Variants in CELF2 observed in about 807,000 individuals in gnomAD.
CELF2 encodes the protein CUG triplet repeat RNA-binding protein 2.
A neutral mutation model predicts 62.6 loss-of-function variants in CELF2; 8 were observed. That is an observed-to-expected ratio of 0.13 (90% CI 0.07 to 0.23). The LOEUF is 0.23. Ranked by LOEUF, CELF2 falls within the 10% of genes least tolerant of loss-of-function variation. CELF2 has a pLI of 1.00. For missense variants in CELF2, 333 were observed against 671.0 expected, an observed-to-expected ratio of 0.50 and a Z score of 5.56; for synonymous variants, 258 against 250.0, an observed-to-expected ratio of 1.03 and a Z score of -0.30.
chr10:11,279,115 A>AT lies in CELF2; in HGVS notation c.841+4002dup, dbSNP rs930366259. 1.5e-4 allele frequency among the ~76,000 whole-genome samples: 23 copies of AT among 151,918 alleles called. 1 individual carries two copies. The highest frequency in any genetic ancestry group is 5.3e-4 in the African/African-American group (22 of 41,410). ...GAGTGAGTTTTTCTTTTTAGGGGGGATTTTTTTCTAGGATAAAGAATTGTT... is the reference window on the plus strand; with the variant it reads ...GAGTGAGTTTTTCTTTTTAGGGGGGATTTTTTTTCTAGGATAAAGAATTGTT... On this transcript the variant is annotated intron_variant, in intron 8 of 12. Coordinates refer to ENST00000633077, the MANE Select transcript of CELF2 (RefSeq NM_001326342.2).
intron 1 of CELF2, among the ~76,000 whole-genome samples, chr10:11,119,864 T>TCCCCCCC (rs57433204): frequency 5.0e-4 from 56 of 112,134 alleles, no homozygotes; most frequent in Middle Eastern, 4.7e-3. Context: ...TGATTCCGCC[T>TCCCCCCC]CCCCCCCCCC....
chr10:11,073,178 C>G (rs568420071), intron 1 of CELF2, among the ~76,000 whole-genome samples: 1 of 152,328 alleles, frequency 6.6e-6, no homozygotes, highest in South Asian at 2.1e-4. Context: ...GAGTGTAACA[C>G]TGGCTAGTGA....
chr10:10,697,077 TA>T, the CELF2 span, among the ~76,000 whole-genome samples: 6 of 151,870 alleles, frequency 4.0e-5, no homozygotes, highest in Non-Finnish European at 8.8e-5. Context: ...ATAACATGAT[TA>T]ACACATGTTA....
chr10:10,489,296 A>G, the CELF2 span, among the ~76,000 whole-genome samples: 1 of 152,132 alleles, frequency 6.6e-6, no homozygotes, highest in Non-Finnish European at 1.5e-5. Flanking sequence ...CGTCACCTTC[A>G]TCCAGAAGGA....
At chr10:11,002,023 A>G (rs1461005780), upstream of CELF2, among the ~76,000 whole-genome samples, 1 of 152,212 alleles carries the variant, frequency 6.6e-6, no homozygotes. This position sits in a 1 kb window ranked among gnomAD's most constrained non-coding sequence, Gnocchi z 4.4. Flanking sequence ...ATCTATCTGT[A>G]TTAGTCCATT....
intron 1 of CELF2, among the ~76,000 whole-genome samples, chr10:10,857,544 A>G (rs1006870713): frequency 1.3e-5 from 2 of 151,178 alleles, no homozygotes; most frequent in Admixed American, 6.6e-5. Context: ...TAAAATGTCA[A>G]ATACTCAGTC....
At chr10:11,113,681 G>T (rs147309442) in intron 1 of CELF2, among the ~76,000 whole-genome samples, 136 of 152,272 alleles carry the variant, frequency 8.9e-4, no homozygotes, top group African/African-American at 3.1e-3. Flanking sequence ...GTGGGGCTAG[G>T]TTCTTGAGAA....
the CELF2 span, among the ~76,000 whole-genome samples, chr10:10,559,367 A>G: frequency 2.6e-5 from 4 of 152,120 alleles, no homozygotes; most frequent in African/African-American, 9.7e-5. Context: ...AAGTTATTAA[A>G]CTCTCTTAAT....
At chr10:10,561,404 T>C in the CELF2 span, among the ~76,000 whole-genome samples, 1 of 152,178 alleles carries the variant, frequency 6.6e-6, no homozygotes, top group South Asian at 2.1e-4. Context: ...CTTCACTTCC[T>C]TCATTCAACA....
In CELF2 at chr10:11,243,359, CAAAAAAA is replaced by C. The variant is rs35245941; in HGVS notation, c.355-5783_355-5777del. On this transcript the variant is annotated intron_variant, in intron 3 of 12. Transcript: ENST00000633077. The surrounding 1 kb of genome is among the most constrained non-coding windows in gnomAD (Gnocchi z 4.1). ...GTGCGGCTTTAGGCAAAATGTTATT[CAAAAAAA>C]AAAAAAAAAAGCTTCTAAAAATTCA... Among the ~76,000 whole-genome samples the C allele has an allele frequency of 6.6e-5, 6 of 91,262 alleles. No homozygotes were observed. The highest frequency in any genetic ancestry group is 2.4e-4 in the Admixed American group (2 of 8,410). The allele number at this position is 91,262 out of a possible 152,430, so 59.9% of individuals were successfully genotyped here.
At chr10:10,849,334 G>C (rs2059228678) in intron 1 of CELF2, among the ~76,000 whole-genome samples, 1 of 152,044 alleles carries the variant, frequency 6.6e-6, no homozygotes, top group Admixed American at 6.5e-5. Context: ...CACGAACCAG[G>C]AGGCAGAGGT....
chr10:10,680,147 ATG>A, the CELF2 span, among the ~76,000 whole-genome samples: 1 of 78,606 alleles, frequency 1.3e-5, no homozygotes, highest in African/African-American at 6.3e-5. Flanking sequence ...GTATGTACGT[ATG>A]TATGTATGTA....
rs1008678573 is a variant in CELF2 at position 11,010,001 on chromosome 10, C to A, written c.53+4561C>A. On this transcript the variant is annotated intron_variant, in intron 1 of 12. Coordinates refer to the CELF2 transcript ENST00000416382. This position sits in a 1 kb window ranked among gnomAD's most constrained non-coding sequence, Gnocchi z 4.1. ...CTGACTAGCCTGGGCACAGTTGTGC[C>A]TTTATGCGGAAATTGATGAGTTGCT... Among the ~76,000 whole-genome samples the A allele has an allele frequency of 6.6e-6, 1 of 152,228 alleles. No individual in the cohort carries two copies. Among genetic ancestry groups the A allele is most frequent in the Non-Finnish European group, 1.5e-5 (1 of 68,042 alleles).
In CELF2 at chr10:10,801,909, G is replaced by A. The variant is rs142971868; in HGVS notation, c.53+3092G>A. On this transcript the variant is annotated intron_variant, in intron 1 of 13. Transcript: ENST00000636488. ...TCTCAAGAACTGTCTATTTGAAATC[G>A]CTCCATCCTTGTTCCATTTTGTTAC... Among the ~76,000 whole-genome samples the A allele has an allele frequency of 6.0e-3, 909 of 152,212 alleles. 9 individuals carry two copies. Among genetic ancestry groups the A allele is most frequent in the African/African-American group, 0.021 (863 of 41,542 alleles).
rs1276073089 is a variant in CELF2, at chr10:11,220,287, C to T, written c.354+2780C>T. ...AGTTGATGTTTTGTTTCATAAGGAA[C>T]TTTTATTATGCGGCCAAGCTTGATT... On this transcript the variant is annotated intron_variant, in intron 3 of 12. Transcript: ENST00000633077. This position sits in a 1 kb window ranked among gnomAD's most constrained non-coding sequence, Gnocchi z 4.4. 6.6e-6 allele frequency among the ~76,000 whole-genome samples: 1 copy of T among 152,148 alleles called. No individual in the cohort carries two copies. Among genetic ancestry groups the T allele is most frequent in the Non-Finnish European group, 1.5e-5 (1 of 68,026 alleles).
chr10:10,819,876 T>C (rs1355179784), intron 1 of CELF2, among the ~76,000 whole-genome samples: 1 of 152,154 alleles, frequency 6.6e-6, no homozygotes, highest in African/African-American at 2.4e-5. Context: ...ATCTGGGTGG[T>C]CCCTATGGGC....
chr10:10,761,098 C>CAA, the CELF2 span, among the ~76,000 whole-genome samples: 36 of 151,316 alleles, frequency 2.4e-4, no homozygotes, highest in African/African-American at 8.5e-4. Context: ...GTCAACAATT[C>CAA]CAAAAAAAAA....
intron 1 of CELF2, among the ~76,000 whole-genome samples, chr10:10,808,043 A>G (rs1213043351): frequency 2.0e-5 from 3 of 152,210 alleles, no homozygotes; most frequent in African/African-American, 7.2e-5. Flanking sequence ...AACAGTCACT[A>G]TTTCTGGATG....
intron 1 of CELF2, among the ~76,000 whole-genome samples, chr10:10,907,244 G>C (rs1175089070): frequency 6.6e-6 from 1 of 152,010 alleles, no homozygotes; most frequent in Non-Finnish European, 1.5e-5. Flanking sequence ...AGCTATATGG[G>C]GTGAAAAAGG....
Sources: allele counts gnomAD v4.1 joint callset (sites outside exome capture counted in the v4.1 genomes callset), GRCh38; gene constraint gnomAD v4.1.1; non-coding constraint Gnocchi (gnomAD v3.1); transcripts MANE v1.5; gene names NCBI Gene and HGNC (gene_info 2026-07-23, HGNC 2026-07-21).